The following PCDHA2 variants were observed in gnomAD, a reference collection of about 807,000 sequenced individuals.
PCDHA2 encodes protocadherin alpha 2.
A neutral mutation model predicts 66.0 loss-of-function variants in PCDHA2; 58 were observed. That is an observed-to-expected ratio of 0.88 (90% CI 0.71 to 1.09). PCDHA2 has a LOEUF of 1.09. Among genes scored for constraint, PCDHA2 ranks in the 50% least tolerant of loss-of-function variants. The pLI, the probability that PCDHA2 is intolerant of heterozygous loss-of-function variation, is 0.00. For missense variants in PCDHA2, 1,267 were observed against 1,242.3 expected (o/e 1.02, Z -0.30); for synonymous variants, 634 against 554.0 (o/e 1.14, Z -2.03).
intron 1 of PCDHA2, among the ~76,000 whole-genome samples, chr5:140,831,419 G>A (rs1473528725): frequency 6.6e-6 from 1 of 151,618 alleles, no homozygotes; most frequent in Non-Finnish European, 1.5e-5. Flanking sequence ...GAGTACAGTG[G>A]TGCAATAATG....
At chr5:140,997,466 T>G (rs2097771241) in intron 3 of PCDHA2, among the ~76,000 whole-genome samples, 2 of 152,186 alleles carry the variant, frequency 1.3e-5, no homozygotes, top group Admixed American at 1.3e-4. Context: ...CTGTAGGCAA[T>G]TTTTACACAA....
At chr5:140,805,189 AT>A in intron 1 of PCDHA2, 1 of 1,470,820 alleles carries the variant, frequency 6.8e-7, no homozygotes, top group Non-Finnish European at 9.0e-7. Context: ...CCAAATAAAT[AT>A]TGAATAGCTA....
chr5:140,911,760 A>T (rs1295639313), intron 1 of PCDHA2, among the ~76,000 whole-genome samples: 1 of 151,962 alleles, frequency 6.6e-6, no homozygotes, highest in Non-Finnish European at 1.5e-5. Flanking sequence ...TCTCCATACT[A>T]TTAGAAGTAC....
In PCDHA2 at chr5:140,843,809, A is replaced by G; in HGVS notation, c.2388+46457A>G. 2.3e-6 allele frequency: 3 copies of G among 1,286,100 alleles called. 1 individual carries two copies. Among genetic ancestry groups the G allele is most frequent in the Non-Finnish European group, 3.2e-6 (3 of 925,236 alleles). 79.7% of individuals were successfully genotyped at this position (1,286,100 alleles called of 1,614,324 possible). A position where few individuals can be genotyped will look rare whatever the true frequency, so the allele number is the denominator to read the frequency against. On this transcript the variant is annotated intron_variant, in intron 1 of 3. Coordinates refer to ENST00000526136, the MANE Select transcript of PCDHA2 (RefSeq NM_018905.3). ...CAGATTTAGTTTTTCACCGTATTTTATAGTGAAAATTTAAACATTGTTTAG... is the reference window on the plus strand; with the variant it reads ...CAGATTTAGTTTTTCACCGTATTTTGTAGTGAAAATTTAAACATTGTTTAG...
intron 1 of PCDHA2, among the ~76,000 whole-genome samples, chr5:140,892,806 A>G (rs1262963314): frequency 2.6e-5 from 4 of 152,228 alleles, no homozygotes; most frequent in African/African-American, 7.2e-5. Flanking sequence ...ATAGTTAACC[A>G]TATTTATCCT....
chr5:140,803,768 C>G, intron 1 of PCDHA2: 3 of 1,075,578 alleles, frequency 2.8e-6, no homozygotes, highest in Non-Finnish European at 3.9e-6. Context: ...ATTTTTGAAC[C>G]AAATCAGCAG....
intron 1 of PCDHA2, among the ~76,000 whole-genome samples, chr5:140,944,732 G>A (rs1351639657): frequency 6.6e-6 from 1 of 152,142 alleles, no homozygotes; most frequent in Non-Finnish European, 1.5e-5. Context: ...ACCTTAGTAA[G>A]TCTGAGCATT....
intron 1 of PCDHA2, among the ~76,000 whole-genome samples, chr5:140,921,037 T>C (rs2079983245): frequency 1.3e-5 from 2 of 151,986 alleles, no homozygotes; most frequent in Admixed American, 1.3e-4. Context: ...TGGGGTGCAG[T>C]GGGGCAATCA....
At chr5:140,854,577 T>A (rs1402971625) in intron 1 of PCDHA2, 1 of 149,930 alleles carries the variant, frequency 6.7e-6, no homozygotes, top group African/African-American at 2.4e-5. Context: ...TCATTCAGAT[T>A]TTAATAAAAA....
chr5:140,927,574 G>T, intron 1 of PCDHA2: 1 of 1,614,168 alleles, frequency 6.2e-7, no homozygotes, highest in Non-Finnish European at 8.5e-7. Flanking sequence ...GGACACAAAT[G>T]ACAACGCGCC....
intron 1 of PCDHA2, chr5:140,966,733 C>T: frequency 7.1e-7 from 1 of 1,416,484 alleles, no homozygotes; most frequent in Non-Finnish European, 9.2e-7. Context: ...CCGCCTCCGG[C>T]CCTGCCCGGC....
chr5:140,809,274 T>C (rs1764413420), intron 1 of PCDHA2: 4 of 1,614,112 alleles, frequency 2.5e-6, no homozygotes, highest in Non-Finnish European at 3.4e-6. Flanking sequence ...CTGGTGGATG[T>C]CAACGTATAC....
intron 1 of PCDHA2, chr5:140,829,547 G>A (rs2150169792): frequency 2.5e-6 from 4 of 1,612,860 alleles, no homozygotes; most frequent in African/African-American, 1.3e-5. Flanking sequence ...GGACGCGCAG[G>A]AGAACGCGCT....
At chr5:140,926,575 C>T in intron 1 of PCDHA2, 1 of 273,448 alleles carries the variant, frequency 3.7e-6, no homozygotes, top group Non-Finnish European at 6.8e-6. Flanking sequence ...CTGGAGACAG[C>T]ACCTCTCGCG....
intron 1 of PCDHA2, among the ~76,000 whole-genome samples, chr5:140,920,281 A>G (rs1227812998): frequency 6.6e-6 from 1 of 152,176 alleles, no homozygotes; most frequent in Admixed American, 6.5e-5. Flanking sequence ...GTAATCTTAT[A>G]TTTTTTAGAG....
chr5:140,800,564 CTT>C (rs757703902), intron 1 of PCDHA2, among the ~76,000 whole-genome samples: 92 of 152,170 alleles, frequency 6.0e-4, no homozygotes, highest in Admixed American at 1.8e-3. Flanking sequence ...TAAAATGTAA[CTT>C]GGGTGGTAAA....
intron 1 of PCDHA2, chr5:140,855,842 A>G (rs1384044109): frequency 2.0e-5 from 13 of 639,106 alleles, no homozygotes; most frequent in Non-Finnish European, 3.4e-5. Flanking sequence ...ACTTACACCT[A>G]AAGCCACCGG....
intron 1 of PCDHA2, chr5:140,804,095 C>T (rs1268728896): frequency 6.4e-6 from 1 of 156,994 alleles, no homozygotes; most frequent in East Asian, 1.9e-4. Flanking sequence ...GATCATTACA[C>T]CTGTTGTCTT....
intron 1 of PCDHA2, among the ~76,000 whole-genome samples, chr5:140,914,458 A>G (rs1294717004): frequency 6.6e-6 from 1 of 152,004 alleles, no homozygotes; most frequent in Non-Finnish European, 1.5e-5. Flanking sequence ...TTTCCAGTCT[A>G]TGTGTATCTT....
Sources: allele counts gnomAD v4.1 joint callset (sites outside exome capture counted in the v4.1 genomes callset), GRCh38; gene constraint gnomAD v4.1.1; transcripts MANE v1.5; gene names NCBI Gene and HGNC (gene_info 2026-07-23, HGNC 2026-07-21).